The following EDA variants were observed in gnomAD, a reference collection of about 807,000 sequenced individuals.
The protein encoded by EDA is ectodysplasin-A.
EDA carries 2 observed loss-of-function variants against 23.6 expected under a neutral mutation model. The observed-to-expected ratio is 0.08, with a 90% CI of 0.03 to 0.27. The LOEUF (loss-of-function observed/expected upper bound fraction) is 0.27, where lower values mean the gene tolerates loss of function less well. EDA is among the 10% of genes least tolerant of loss of function. The pLI is 1.00. For synonymous variants in EDA, 131 were observed against 132.0 expected (o/e 0.99, Z 0.05); for missense variants, 229 against 324.2 (o/e 0.71, Z 2.26).
intron 1 of EDA, among the ~76,000 whole-genome samples, chrX:69,936,934 T>G (rs1051369320): frequency 9.0e-6 from 1 of 110,910 alleles, no homozygotes; most frequent in Non-Finnish European, 1.9e-5. Context: ...AATGTGTTTT[T>G]TTGTTGTTGT....
chrX:69,752,676 G>T (rs1265116430), intron 1 of EDA, among the ~76,000 whole-genome samples: 1 of 111,889 alleles, frequency 8.9e-6, no homozygotes, highest in Admixed American at 9.4e-5. Flanking sequence ...TTGTACCTCT[G>T]GTAGAATTCG....
intron 1 of EDA, among the ~76,000 whole-genome samples, chrX:69,721,860 A>G (rs769300097): frequency 7.0e-4 from 78 of 111,608 alleles, no homozygotes; most frequent in African/African-American, 2.4e-3. Context: ...TAGCTGAGAG[A>G]AGCAGGGAAA....
intron 1 of EDA, among the ~76,000 whole-genome samples, chrX:69,666,602 G>A (rs1287499059): frequency 2.7e-5 from 3 of 112,395 alleles, no homozygotes; most frequent in African/African-American, 9.7e-5. Context: ...CACATGGATT[G>A]ATTTGCTTAT....
chrX:69,825,625 T>G (rs1374680592), intron 1 of EDA, among the ~76,000 whole-genome samples: 5 of 113,547 alleles, frequency 4.4e-5, no homozygotes, highest in Non-Finnish European at 9.3e-5. Flanking sequence ...GTCTATCAAT[T>G]TTGTTGATCC....
At chrX:70,034,447 C>T (rs375355985) in intron 7 of EDA, among the ~76,000 whole-genome samples, 1 of 111,794 alleles carries the variant, frequency 8.9e-6, no homozygotes, top group South Asian at 3.8e-4. Context: ...AAATGATTTA[C>T]GGTGATATCT....
chrX:69,887,946 A>G (rs1031479015), intron 1 of EDA, among the ~76,000 whole-genome samples: 2 of 112,094 alleles, frequency 1.8e-5, no homozygotes, highest in African/African-American at 6.5e-5. Context: ...TTGAAACAAA[A>G]GGATGCTAAT....
chrX:69,617,068 T>G, intron 1 of EDA: 1 of 370,481 alleles, frequency 2.7e-6, no homozygotes, highest in Non-Finnish European at 4.8e-6. Context: ...CCCGCGGTGC[T>G]TGTTTTTTCG....
chrX:69,881,119 A>C (rs1028124715), intron 1 of EDA, among the ~76,000 whole-genome samples: 27 of 111,723 alleles, frequency 2.4e-4, no homozygotes, highest in Admixed American at 9.5e-4. Flanking sequence ...CCTCCACAAG[A>C]AAAAGCAAAG....
chrX:69,828,316 G>A (rs1480931274), intron 1 of EDA, among the ~76,000 whole-genome samples: 2 of 112,238 alleles, frequency 1.8e-5, no homozygotes, highest in South Asian at 3.7e-4. Context: ...CCGCCTTGCA[G>A]TTTGATCTCA....
intron 1 of EDA, among the ~76,000 whole-genome samples, chrX:69,754,839 T>C (rs757189153): frequency 6.2e-5 from 7 of 112,338 alleles, no homozygotes; most frequent in Non-Finnish European, 1.9e-5. Context: ...TTCCATTTGA[T>C]CAAATCAGCT....
At chrX:69,725,878 G>A (rs1160988169) in intron 1 of EDA, among the ~76,000 whole-genome samples, 1 of 112,406 alleles carries the variant, frequency 8.9e-6, no homozygotes, top group African/African-American at 3.2e-5. Flanking sequence ...AAATCCCAGA[G>A]AGAAAGGAGA....
At chrX:69,987,153 T>A (rs1290826212) in intron 2 of EDA, among the ~76,000 whole-genome samples, 1 of 94,742 alleles carries the variant, frequency 1.1e-5, no homozygotes, top group Admixed American at 1.2e-4. Flanking sequence ...AGGGATAGCA[T>A]TGGGAGATAT....
chrX:69,937,688 C>T, intron 1 of EDA: 3 of 1,128,506 alleles, frequency 2.7e-6, no homozygotes, highest in South Asian at 3.6e-5. Context: ...CTATAGAGTT[C>T]TGGGCATACA....
chrX:69,817,146 A>G (rs988660691), intron 1 of EDA, among the ~76,000 whole-genome samples: 3 of 111,813 alleles, frequency 2.7e-5, no homozygotes, highest in Non-Finnish European at 3.8e-5. Flanking sequence ...GAGAAATAAG[A>G]TCCTTTTCAG....
chrX:69,827,676 G>A (rs776141732), intron 1 of EDA, among the ~76,000 whole-genome samples: 44 of 111,632 alleles, frequency 3.9e-4, no homozygotes, highest in East Asian at 2.3e-3. Context: ...TAATTTGATC[G>A]TCTGAAGCCT....
intron 1 of EDA, among the ~76,000 whole-genome samples, chrX:69,922,219 T>C (rs1193359439): frequency 8.9e-6 from 1 of 112,558 alleles, no homozygotes; most frequent in Non-Finnish European, 1.9e-5. Flanking sequence ...AAGTGACATC[T>C]TGGTTGCTTC....
At chrX:69,843,644 G>A (rs188247747) in intron 1 of EDA, among the ~76,000 whole-genome samples, 7 of 110,548 alleles carry the variant, frequency 6.3e-5, no homozygotes, top group African/African-American at 2.0e-4. Context: ...AAATGCAGAT[G>A]GTAAGACTTG....
chrX:69,941,693 G>A (rs2018760220), intron 1 of EDA, among the ~76,000 whole-genome samples: 2 of 110,888 alleles, frequency 1.8e-5, no homozygotes, highest in Non-Finnish European at 3.8e-5. Flanking sequence ...ATTTCTTGTA[G>A]GCAACAGATC....
intron 1 of EDA, among the ~76,000 whole-genome samples, chrX:69,869,721 AGAC>A (rs2017537565): frequency 8.9e-6 from 1 of 112,241 alleles, no homozygotes; most frequent in Non-Finnish European, 1.9e-5. Flanking sequence ...TCCACTAGTC[AGAC>A]TATTCTGATT....
Sources: allele counts gnomAD v4.1 joint callset (sites outside exome capture counted in the v4.1 genomes callset), GRCh38; gene constraint gnomAD v4.1.1; transcripts MANE v1.5; gene names NCBI Gene and HGNC (gene_info 2026-07-23, HGNC 2026-07-21).